Variants in SASS6 observed in about 807,000 individuals in gnomAD.
SASS6 encodes spindle assembly abnormal protein 6 homolog.
SASS6 carries 59 observed loss-of-function variants against 94.9 expected under a neutral mutation model. That is an observed-to-expected ratio of 0.62 (90% CI 0.50 to 0.77). The LOEUF is 0.77. SASS6 is among the 30% of genes least tolerant of loss of function. The pLI, the probability that SASS6 is intolerant of heterozygous loss-of-function variation, is 0.00. For missense variants in SASS6, 698 were observed against 734.1 expected, an observed-to-expected ratio of 0.95 and a Z score of 0.57; for synonymous variants, 264 against 270.0, an observed-to-expected ratio of 0.98 and a Z score of 0.22.
At chr1:100,122,320 T>C in intron 4 of SASS6, 60 bp downstream of exon 4, 2 of 758,754 alleles carry the variant, frequency 2.6e-6, no homozygotes, top group Admixed American at 2.4e-5. Flanking sequence ...TCAACTTGTG[T>C]TTCAAAGAAG....
intron 14 of SASS6, among the ~76,000 whole-genome samples, chr1:100,093,442 T>C (rs529389163): frequency 3.6e-4 from 55 of 152,310 alleles, no homozygotes; most frequent in African/African-American, 1.2e-3. Context: ...ACGTAGTCTA[T>C]CTTGGTTAGT....
chr1:100,097,703 C>A (rs1471406993), intron 14 of SASS6, among the ~76,000 whole-genome samples: 4 of 152,130 alleles, frequency 2.6e-5, no homozygotes, highest in African/African-American at 9.7e-5. Flanking sequence ...GTGGCACACA[C>A]CTGTAGTCCC....
At chr1:100,091,341 T>A (rs1209687057) in intron 14 of SASS6, among the ~76,000 whole-genome samples, 3 of 151,990 alleles carry the variant, frequency 2.0e-5, no homozygotes, top group Non-Finnish European at 4.4e-5. Context: ...AGAAGGCTAA[T>A]CAGAACTTGA....
intron 7 of SASS6, among the ~76,000 whole-genome samples, chr1:100,115,686 G>A (rs180912520): frequency 5.3e-5 from 8 of 152,130 alleles, no homozygotes; most frequent in Non-Finnish European, 7.4e-5. Context: ...AAAATCAGCC[G>A]GTGTGGTGAC....
At chr1:100,095,157 T>G (rs1034710548) in intron 14 of SASS6, among the ~76,000 whole-genome samples, 7 of 152,194 alleles carry the variant, frequency 4.6e-5, no homozygotes, top group African/African-American at 1.7e-4. Flanking sequence ...ACAGCTAATA[T>G]GCTTATGATG....
chr1:100,100,768 A>G (rs1652417056), intron 14 of SASS6, among the ~76,000 whole-genome samples: 1 of 152,228 alleles, frequency 6.6e-6, no homozygotes, highest in Admixed American at 6.5e-5. Flanking sequence ...ACTGTAATTC[A>G]AAAGTACATG....
At chr1:100,085,503 A>G (rs1651178200) in intron 16 of SASS6, 33 bp downstream of exon 16, 3 of 1,580,170 alleles carry the variant, frequency 1.9e-6, no homozygotes, top group Non-Finnish European at 2.6e-6. Flanking sequence ...TAATTCAACT[A>G]TAAAGTACAA....
At position 100,093,789 on chromosome 1, in the gene SASS6, AT is replaced by A. The variant is rs566076472; in HGVS notation, c.1675-5554del. ...AACAAGAAAAGAAAAAGAAAAAAAA[AT>A]ATTTTAAACTTAATGAAAATGAAAA... is the stretch of plus-strand genomic sequence containing the variant. On this transcript the variant is annotated intron_variant, in intron 14 of 16. Transcript: ENST00000287482. Among the ~76,000 whole-genome samples, 59 of 152,272 alleles carry A rather than the reference AT, an allele frequency of 3.9e-4. No homozygotes were observed. In the East Asian group the frequency reaches 0.011, roughly 29 times the overall value.
At chr1:100,126,969 C>T (rs1654664926) in intron 1 of SASS6, among the ~76,000 whole-genome samples, 1 of 152,082 alleles carries the variant, frequency 6.6e-6, no homozygotes. Context: ...GTTTATTACA[C>T]CTATTTTATC....
chr1:100,131,239 G>A (rs1342086480), intron 1 of SASS6, among the ~76,000 whole-genome samples: 1 of 146,414 alleles, frequency 6.8e-6, no homozygotes, highest in African/African-American at 2.6e-5. Context: ...CACCCAGGCT[G>A]GAGTACAGTG....
In SASS6 at chr1:100,088,131, G is replaced by A; in HGVS notation, c.1772+8C>T. On this transcript the variant is annotated splice_region_variant and intron_variant, in intron 15 of 16. Coordinates refer to ENST00000287482, the MANE Select transcript of SASS6 (RefSeq NM_194292.3). ...CAAACATTAAATTTTATGTCATTAA[G>A]CACTTACTTTTCCTTATCAGTTGAG... The A allele has an allele frequency of 6.8e-7, 1 of 1,460,550 alleles. No individual in the cohort carries two copies. The highest frequency in any genetic ancestry group is 9.6e-7 in the Non-Finnish European group (1 of 1,042,166). The allele number at this position is 1,460,550 out of a possible 1,614,324, so 90.5% of individuals were successfully genotyped here. A position where few individuals can be genotyped will look rare whatever the true frequency, so the allele number is the denominator to read the frequency against.
At chr1:100,130,914 G>T (rs1325078193) in intron 1 of SASS6, among the ~76,000 whole-genome samples, 2 of 152,114 alleles carry the variant, frequency 1.3e-5, no homozygotes, top group Non-Finnish European at 2.9e-5. Context: ...GTTTATTTAC[G>T]AAAACAGTGA....
chr1:100,120,846 T>C (rs528831821), intron 5 of SASS6, among the ~76,000 whole-genome samples: 4 of 151,798 alleles, frequency 2.6e-5, no homozygotes, highest in Admixed American at 6.6e-5. Flanking sequence ...GTCAGGAGAT[T>C]GAGACCATCC....
chr1:100,112,645 T>A (rs945911218), intron 7 of SASS6, among the ~76,000 whole-genome samples: 4 of 152,198 alleles, frequency 2.6e-5, no homozygotes, highest in African/African-American at 9.6e-5. Flanking sequence ...TTATTCCCTA[T>A]AACATTTGTA....
chr1:100,121,612 C>G, intron 4 of SASS6, 63 bp from the exon 5 acceptor site: 1 of 919,242 alleles, frequency 1.1e-6, no homozygotes, highest in Non-Finnish European at 1.7e-6. Flanking sequence ...CTCACTGAAT[C>G]AGAAGCTTCT....
chr1:100,091,630 T>TAAAAAAAAAAAAAAAAAAAAGAAAAAA (rs57639570), intron 14 of SASS6, among the ~76,000 whole-genome samples: 1 of 83,054 alleles, frequency 1.2e-5, no homozygotes, highest in African/African-American at 4.7e-5. Context: ...AAAGTCTCAT[T>TAAAAAAAAAAAAAAAAAAAAGAAAAAA]AAAAAAAAAA....
chr1:100,113,191 T>C (rs1653487734), intron 7 of SASS6, among the ~76,000 whole-genome samples: 1 of 152,206 alleles, frequency 6.6e-6, no homozygotes, highest in Admixed American at 6.5e-5. Flanking sequence ...TGTTTACTAT[T>C]TGGGTGATTA....
chr1:100,098,593 C>A, intron 14 of SASS6, among the ~76,000 whole-genome samples: 1 of 150,432 alleles, frequency 6.6e-6, no homozygotes, highest in South Asian at 2.1e-4. Context: ...ACAATGTAAC[C>A]TATAAATCTA....
chr1:100,127,253 A>G (rs561682391), intron 1 of SASS6, among the ~76,000 whole-genome samples: 2 of 152,338 alleles, frequency 1.3e-5, no homozygotes, highest in African/African-American at 4.8e-5. Context: ...TAAACTAACA[A>G]ATAGAATTTG....
Sources: allele counts gnomAD v4.1 joint callset (sites outside exome capture counted in the v4.1 genomes callset), GRCh38; gene constraint gnomAD v4.1.1; transcripts MANE v1.5; gene names NCBI Gene and HGNC (gene_info 2026-07-23, HGNC 2026-07-21).